The following TBX15 variants were observed in gnomAD, a reference collection of about 807,000 sequenced individuals.
TBX15 encodes the protein T-box transcription factor 15.
In TBX15, 18 loss-of-function variants were observed where a neutral mutation model predicts 53.9. The ratio of observed to expected loss-of-function variants is 0.33; its 90% CI spans 0.23 to 0.49. TBX15 has a LOEUF of 0.49. Ranked by LOEUF, TBX15 falls within the 20% of genes least tolerant of loss-of-function variation. The probability of loss-of-function intolerance (pLI) is 0.98; values close to 1 mark genes in which losing one functional copy is unlikely to be tolerated. For synonymous variants in TBX15, 295 were observed against 278.0 expected (o/e 1.06, Z -0.61); for missense variants, 692 against 749.5 (o/e 0.92, Z 0.90).
chr1:118,930,538 C>T (rs1362265009), intron 2 of TBX15, among the ~76,000 whole-genome samples: 1 of 152,184 alleles, frequency 6.6e-6, no homozygotes, highest in African/African-American at 2.4e-5. Flanking sequence ...GCCTCAGCCT[C>T]CCAAGTGGCA....
At chr1:118,900,622 G>C (rs1173042698) in intron 6 of TBX15, among the ~76,000 whole-genome samples, 1 of 152,168 alleles carries the variant, frequency 6.6e-6, no homozygotes, top group Non-Finnish European at 1.5e-5. Context: ...GTGTTACATG[G>C]TGTTTATTAG....
At chr1:118,982,022 T>C (rs1310899399) in intron 1 of TBX15, among the ~76,000 whole-genome samples, 1 of 152,212 alleles carries the variant, frequency 6.6e-6, no homozygotes, top group Non-Finnish European at 1.5e-5. Flanking sequence ...AACATAAAGC[T>C]CAGATGGGAA....
intron 1 of TBX15, among the ~76,000 whole-genome samples, chr1:118,945,340 G>A (rs1656314668): frequency 6.6e-6 from 1 of 152,082 alleles, no homozygotes; most frequent in Non-Finnish European, 1.5e-5. Context: ...TCTGATTAGT[G>A]GTTAAAAATT....
At position 118,885,145 on chromosome 1, in the gene TBX15, C is replaced by T. The variant is rs370477009; in HGVS notation, c.1396G>A (p.Gly466Ser). 1.9e-6 allele frequency: 3 copies of T among 1,614,158 alleles called. No homozygotes were observed. Among genetic ancestry groups the T allele is most frequent in the East Asian group, 2.2e-5 (1 of 44,870 alleles). The change falls in exon 8 of 8, where the codon GGT (glycine) becomes AGT (serine). Residue 466 changes from glycine (G) to serine (S), a missense_variant. By Grantham distance (56) the Gly-to-Ser change is moderately conservative. Around this residue, in one of 3 missense-constraint regions of TBX15, gnomAD observed 375 missense variants for 371.6 expected, o/e 1.01. Transcript: ENST00000369429. ...GTGGGAAAGGACCCCAGCTGGCCAC[C>T]GTAGGCTTCCATCTTGCTGTTGCCA... Reference protein sequence around the residue: ...LPGNSKMEAYGGQLGSFPTSQ... With the variant: ...LPGNSKMEAYSGQLGSFPTSQ...
intron 7 of TBX15, among the ~76,000 whole-genome samples, chr1:118,887,906 C>G (rs1290404575): frequency 6.6e-6 from 1 of 152,024 alleles, no homozygotes; most frequent in African/African-American, 2.4e-5. Context: ...ATAATAGTTT[C>G]TTCAGAGGTA....
chr1:118,987,903 C>A lies in TBX15; in HGVS notation c.-108G>T. On this transcript the variant is annotated 5_prime_UTR_variant, in exon 1 of 8. Coordinates refer to ENST00000369429, the MANE Select transcript of TBX15 (RefSeq NM_001330677.2). ...GCCCGGCCCGGGAGAGGCGGAGGCG[C>A]GTCGGACGAGGCTGAGACTGCGGCT... The A allele has an allele frequency of 7.2e-7, 1 of 1,396,390 alleles. No individual in the cohort carries two copies. Among genetic ancestry groups the A allele is most frequent in the Non-Finnish European group, 9.7e-7 (1 of 1,033,702 alleles). 86.5% of individuals were successfully genotyped at this position (1,396,390 alleles called of 1,614,324 possible).
chr1:118,978,632 A>G (rs1571219585), intron 1 of TBX15, among the ~76,000 whole-genome samples: 1 of 152,228 alleles, frequency 6.6e-6, no homozygotes, highest in Non-Finnish European at 1.5e-5. Flanking sequence ...TCTTTCTACC[A>G]TAAAAATATG....
intron 1 of TBX15, among the ~76,000 whole-genome samples, chr1:118,958,567 T>C (rs554193192): frequency 6.6e-6 from 1 of 152,202 alleles, no homozygotes; most frequent in Non-Finnish European, 1.5e-5. Context: ...TTATTTATCT[T>C]GATCAGTGAT....
chr1:118,908,889 A>C (rs1364212559), intron 6 of TBX15, among the ~76,000 whole-genome samples: 1 of 151,236 alleles, frequency 6.6e-6, no homozygotes, highest in African/African-American at 2.4e-5. Context: ...ACACATATAC[A>C]GGTTTACTTA....
rs1194750461 is a variant in TBX15, at chr1:118,987,911, G to C, written c.-116C>G. ...CGGGAGAGGCGGAGGCGCGTCGGAC[G>C]AGGCTGAGACTGCGGCTCGCGGGTC... is the stretch of plus-strand genomic sequence containing the variant. On this transcript the variant is annotated 5_prime_UTR_variant, in exon 1 of 8. Coordinates refer to ENST00000369429, the MANE Select transcript of TBX15 (RefSeq NM_001330677.2). 5 of 1,329,334 alleles carry C rather than the reference G, an allele frequency of 3.8e-6. No homozygotes were observed. The highest frequency in any genetic ancestry group is 4.1e-6 in the Non-Finnish European group (4 of 976,552). The allele number at this position is 1,329,334 out of a possible 1,614,324, so 82.3% of individuals were successfully genotyped here.
At chr1:118,947,782 G>A (rs993538007) in intron 1 of TBX15, among the ~76,000 whole-genome samples, 1 of 152,192 alleles carries the variant, frequency 6.6e-6, no homozygotes, top group Non-Finnish European at 1.5e-5. Context: ...AAGTGGTGAA[G>A]TGAGAAGACC....
At chr1:118,906,086 G>A (rs1654812135) in intron 6 of TBX15, among the ~76,000 whole-genome samples, 1 of 152,112 alleles carries the variant, frequency 6.6e-6, no homozygotes, top group Non-Finnish European at 1.5e-5. Context: ...AGATAAAAAT[G>A]GACAACTTGG....
intron 1 of TBX15, among the ~76,000 whole-genome samples, chr1:118,985,910 G>A (rs941961271): frequency 7.2e-5 from 11 of 152,164 alleles, no homozygotes; most frequent in African/African-American, 2.7e-4. Context: ...CCTGAATGGA[G>A]CTCAGGCTAA....
intron 6 of TBX15, among the ~76,000 whole-genome samples, 155 bp from the exon 7 acceptor site, chr1:118,899,280 A>G (rs1283979136): frequency 6.6e-6 from 1 of 152,184 alleles, no homozygotes; most frequent in African/African-American, 2.4e-5. Context: ...AACTCAAGGT[A>G]CAATGATGCT....
chr1:118,892,534 C>A (rs1036917676), intron 7 of TBX15, among the ~76,000 whole-genome samples: 2 of 151,990 alleles, frequency 1.3e-5, no homozygotes, highest in Admixed American at 6.6e-5. Context: ...TTGTGAAATG[C>A]AGTTAGATAA....
At chr1:118,935,935 T>C (rs191218735) in intron 1 of TBX15, among the ~76,000 whole-genome samples, 1 of 152,182 alleles carries the variant, frequency 6.6e-6, no homozygotes, top group Non-Finnish European at 1.5e-5. Flanking sequence ...AACTAACATG[T>C]ACTAGAATGC....
chr1:118,893,293 G>GGAAA (rs1306422589), intron 7 of TBX15, among the ~76,000 whole-genome samples: 2 of 124,786 alleles, frequency 1.6e-5, no homozygotes. Context: ...AAGGAAGGAA[G>GGAAA]GAAGGAAGGA....
rs1411520842 is a variant in TBX15 at position 118,974,733 on chromosome 1, G to A, written c.205+12858C>T. On this transcript the variant is annotated intron_variant, in intron 1 of 7. Coordinates refer to ENST00000369429, the MANE Select transcript of TBX15 (RefSeq NM_001330677.2). The stretch of plus-strand genomic sequence containing the variant: ...ACCAAACAAGGCTACTCTAAATAGA[G>A]TTGTTACAAAATAAATGAATCAGAG... Among the ~76,000 whole-genome samples, 10 of 152,254 alleles carry A rather than the reference G, an allele frequency of 6.6e-5. No homozygotes were observed. The South Asian group carries it at 1.2e-3, about 19-fold the overall frequency.
At position 118,884,045 on chromosome 1, in the gene TBX15, G is replaced by GAGC; in HGVS notation, c.*684_*686dup. ...ATCAATGATAGCATACAAGTGAAGA[G>GAGC]AGCCAAAGTTCAAAAGCAATCTTTT... On this transcript the variant is annotated 3_prime_UTR_variant, in exon 8 of 8. Coordinates refer to ENST00000369429, the MANE Select transcript of TBX15 (RefSeq NM_001330677.2). 6.5e-6 allele frequency: 1 copy of GAGC among 153,346 alleles called. No individual in the cohort carries two copies. The highest frequency in any genetic ancestry group is 1.5e-5 in the Non-Finnish European group (1 of 68,658). 9.5% of individuals were successfully genotyped at this position (153,346 alleles called of 1,614,324 possible).
Sources: gnomAD v4.1 joint callset for allele counts (sites outside exome capture counted in the v4.1 genomes callset) on GRCh38, gnomAD v4.1.1 for gene constraint, gnomAD v4.1.1 regional missense constraint, MANE v1.5 for transcripts, NCBI Gene and HGNC (gene_info 2026-07-23, HGNC 2026-07-21) for gene names.